The following PCDHGB4 variants were observed in gnomAD, a reference collection of about 807,000 sequenced individuals.
The protein encoded by PCDHGB4 is protocadherin gamma subfamily B, 4, also known as protocadherin gamma-B4.
Under a neutral mutation model 60.5 loss-of-function variants are expected in PCDHGB4, and 38 were observed. The observed-to-expected ratio is 0.63, with a 90% CI of 0.48 to 0.82. PCDHGB4 has a LOEUF of 0.82. PCDHGB4 is among the 40% of genes least tolerant of loss of function. The pLI, the probability that PCDHGB4 is intolerant of heterozygous loss-of-function variation, is 0.00. For missense variants in PCDHGB4, 1,109 were observed against 1,209.6 expected (o/e 0.92, Z 1.23); for synonymous variants, 456 against 509.7 (o/e 0.89, Z 1.42).
chr5:141,424,353 T>C (rs923306479), intron 1 of PCDHGB4: 1 of 152,246 alleles, frequency 6.6e-6, no homozygotes, highest in African/African-American at 2.4e-5. Flanking sequence ...GGAGATAAAA[T>C]TTAGATCACA....
Position 141,490,389 on chromosome 5 carries a change from T to C in PCDHGB4, c.2398-4418T>C, listed in dbSNP as rs1221410350. The C allele has an allele frequency of 6.2e-7, 1 of 1,614,174 alleles. No homozygotes were observed. Among genetic ancestry groups the C allele is most frequent in the African/African-American group, 1.3e-5 (1 of 75,040 alleles). On this transcript the variant is annotated intron_variant, in intron 1 of 3. Transcript: ENST00000519479. The surrounding 1 kb of genome is among the most constrained non-coding windows in gnomAD (Gnocchi z 5.4). The stretch of plus-strand genomic sequence containing the variant: ...GAGACCGGGACTCAGGTAGAAATGG[T>C]GAAGTGAGCCTTGATATCTCTCCGG...
intron 1 of PCDHGB4, chr5:141,433,201 CTTCT>C (rs759014851): frequency 3.9e-5 from 61 of 1,573,466 alleles, no homozygotes; most frequent in Admixed American, 1.2e-4. Flanking sequence ...TATATCAAAT[CTTCT>C]TTCTTTTTTT....
intron 1 of PCDHGB4, among the ~76,000 whole-genome samples, chr5:141,451,985 A>G (rs1460304088): frequency 6.6e-6 from 1 of 152,202 alleles, no homozygotes; most frequent in Non-Finnish European, 1.5e-5. Context: ...TAGTTTGTTC[A>G]TTAGAAGCAA....
rs1396618267 is a variant in PCDHGB4, at chr5:141,421,234, A to T, written c.2397+30953A>T. On this transcript the variant is annotated intron_variant, in intron 1 of 3. Coordinates refer to ENST00000519479, the MANE Select transcript of PCDHGB4 (RefSeq NM_003736.4). ...TATCGGCTTAGAGCCTGCCATGGCG[A>T]ATCGGCTACAGCGCGGGGACCGCAG... 7 of 1,593,656 alleles carry T rather than the reference A, an allele frequency of 4.4e-6. No homozygotes were observed. In the African/African-American group the frequency reaches 9.4e-5, roughly 21 times the overall value.
At chr5:141,508,295 G>C (rs989632251) in intron 3 of PCDHGB4, 5 of 152,202 alleles carry the variant, frequency 3.3e-5, no homozygotes, top group Non-Finnish European at 7.3e-5. Context: ...TGGGCCTTGG[G>C]GGGAGTGGGG....
At chr5:141,478,305 C>G in intron 1 of PCDHGB4, 1 of 1,614,092 alleles carries the variant, frequency 6.2e-7, no homozygotes, top group Non-Finnish European at 8.5e-7. Context: ...TACCGAGCCC[C>G]GGTGAGCTCA....
chr5:141,400,717 G>C (rs2094065619), intron 1 of PCDHGB4: 1 of 672,320 alleles, frequency 1.5e-6, no homozygotes. Context: ...TAGCCTTATA[G>C]ATTTACAAAG....
chr5:141,419,540 C>A (rs999461892), intron 1 of PCDHGB4: 4 of 1,612,018 alleles, frequency 2.5e-6, no homozygotes. Flanking sequence ...CAACGCACCG[C>A]GGGTGCTGTA....
rs574059424 is a variant in PCDHGB4 at position 141,426,522 on chromosome 5, G to A, written c.2397+36241G>A. On this transcript the variant is annotated intron_variant, in intron 1 of 3. Transcript: ENST00000519479. ...AGAAACAATACTTTACCGTGAACAC[G>A]GAGAATGGGAACATACTTGTGAGTG... is the stretch of plus-strand genomic sequence containing the variant. The A allele has an allele frequency of 4.4e-5, 15 of 341,518 alleles. No individual in the cohort carries two copies. In the East Asian group the frequency reaches 6.0e-4, roughly 14 times the overall value. 21.2% of individuals were successfully genotyped at this position (341,518 alleles called of 1,614,324 possible).
intron 1 of PCDHGB4, chr5:141,420,181 T>C (rs1590216182): frequency 6.2e-7 from 1 of 1,613,998 alleles, no homozygotes; most frequent in Non-Finnish European, 8.5e-7. Context: ...TTGATCATTG[T>C]CCAGCCACAC....
intron 1 of PCDHGB4, chr5:141,399,285 C>G (rs751998465): frequency 6.2e-7 from 1 of 1,613,838 alleles, no homozygotes; most frequent in Non-Finnish European, 8.5e-7. Flanking sequence ...AAGGCGAAGT[C>G]CCTTTTAAGA....
rs752604165 is a variant in PCDHGB4, at chr5:141,494,771, G to A, written c.2398-36G>A. On this transcript the variant is annotated intron_variant, in intron 1 of 3. Coordinates refer to ENST00000519479, the MANE Select transcript of PCDHGB4 (RefSeq NM_003736.4). ...CTCGGGTGACATTCTAACTTCTCAC[G>A]GGTACTCAGCCCCTTTCCCTCTGTT... 74 of 1,613,730 alleles carry A rather than the reference G, an allele frequency of 4.6e-5. No homozygotes were observed. The East Asian group carries it at 1.6e-3, about 36-fold the overall frequency.
intron 1 of PCDHGB4, chr5:141,413,526 G>A: frequency 6.2e-7 from 1 of 1,613,936 alleles, no homozygotes; most frequent in Non-Finnish European, 8.5e-7. Context: ...TGGAAGACAG[G>A]GTGAAACTTT....
chr5:141,405,370 G>T (rs2094649512), intron 1 of PCDHGB4: 1 of 1,606,236 alleles, frequency 6.2e-7, no homozygotes, highest in Non-Finnish European at 8.5e-7. Context: ...ACACCCCTTT[G>T]GTTCCGGTGA....
At chr5:141,408,956 A>G in intron 1 of PCDHGB4, 1 of 1,613,714 alleles carries the variant, frequency 6.2e-7, no homozygotes, top group Non-Finnish European at 8.5e-7. Flanking sequence ...AATTAGTCTT[A>G]GTGAAAATCT....
In PCDHGB4 at chr5:141,486,172, T is replaced by C; in HGVS notation, c.2398-8635T>C. ...GGGGTTCTCCAGCCATGGAGCAACA[T>C]TGCAGCCTTCGAGTGGATCTGCTGG... On this transcript the variant is annotated intron_variant, in intron 1 of 3. Transcript: ENST00000519479. The surrounding 1 kb of genome is among the most constrained non-coding windows in gnomAD (Gnocchi z 5.0). 3 of 1,614,212 alleles carry C rather than the reference T, an allele frequency of 1.9e-6. No homozygotes were observed. Among genetic ancestry groups the C allele is most frequent in the Admixed American group, 1.7e-5 (1 of 60,036 alleles).
At chr5:141,411,425 A>AC (rs971774943) in intron 1 of PCDHGB4, 58 of 150,512 alleles carry the variant, frequency 3.9e-4, no homozygotes, top group African/African-American at 1.4e-3. Flanking sequence ...AACAACAACA[A>AC]AAAAAAACAT....
At chr5:141,472,729 T>G (rs2099294506) in intron 1 of PCDHGB4, among the ~76,000 whole-genome samples, 1 of 152,004 alleles carries the variant, frequency 6.6e-6, no homozygotes. Context: ...CTCACACCTG[T>G]AATCCCAGCA....
intron 1 of PCDHGB4, among the ~76,000 whole-genome samples, chr5:141,460,120 A>C (rs1404213559): frequency 1.3e-5 from 2 of 151,956 alleles, no homozygotes; most frequent in Non-Finnish European, 2.9e-5. Flanking sequence ...ATTTTTATAT[A>C]TGTAATATAT....
Sources: allele counts gnomAD v4.1 joint callset (sites outside exome capture counted in the v4.1 genomes callset), GRCh38; gene constraint gnomAD v4.1.1; non-coding constraint Gnocchi (gnomAD v3.1); transcripts MANE v1.5; gene names NCBI Gene and HGNC (gene_info 2026-07-23, HGNC 2026-07-21).